The following DRC8 variants were observed in gnomAD, a reference collection of about 807,000 sequenced individuals.
DRC8 encodes dynein regulatory complex protein 8.
the DRC8 span, among the ~76,000 whole-genome samples, chr1:245,075,123 T>C: frequency 6.6e-6 from 1 of 152,216 alleles, no homozygotes; most frequent in Non-Finnish European, 1.5e-5. Flanking sequence ...GTGTGTTTTA[T>C]TGTGCCTATT....
At chr1:245,041,256 G>C in the DRC8 span, among the ~76,000 whole-genome samples, 1 of 152,166 alleles carries the variant, frequency 6.6e-6, no homozygotes, top group African/African-American at 2.4e-5. Context: ...CTAGAGAGTG[G>C]TGTAAGATCA....
the DRC8 span, among the ~76,000 whole-genome samples, chr1:244,973,742 A>C: frequency 6.6e-6 from 1 of 152,188 alleles, no homozygotes; most frequent in Non-Finnish European, 1.5e-5. Flanking sequence ...TAATATTGAG[A>C]TTTCTAAAAG....
chr1:245,117,983 T>C, the DRC8 span, among the ~76,000 whole-genome samples: 1 of 151,778 alleles, frequency 6.6e-6, no homozygotes, highest in Non-Finnish European at 1.5e-5. Context: ...AATAAATAAA[T>C]ACGCTTAAAA....
the DRC8 span, among the ~76,000 whole-genome samples, chr1:245,037,553 A>C: frequency 2.0e-5 from 3 of 152,188 alleles, no homozygotes; most frequent in African/African-American, 4.8e-5. Context: ...ATTTTCATTA[A>C]TGTCAGGAAT....
the DRC8 span, among the ~76,000 whole-genome samples, chr1:245,042,251 G>C: frequency 6.6e-6 from 1 of 152,298 alleles, no homozygotes; most frequent in Non-Finnish European, 1.5e-5. Flanking sequence ...ATTTTGTAGA[G>C]CTTTTGTTTT....
the DRC8 span, among the ~76,000 whole-genome samples, chr1:245,002,843 C>T: frequency 6.6e-6 from 1 of 151,176 alleles, no homozygotes; most frequent in African/African-American, 2.4e-5. Flanking sequence ...ACTTAAAAAG[C>T]ACACCTAAGA....
At chr1:245,118,736 A>G in the DRC8 span, among the ~76,000 whole-genome samples, 1 of 151,504 alleles carries the variant, frequency 6.6e-6, no homozygotes, top group African/African-American at 2.4e-5. Context: ...AGGTTGTGGT[A>G]AGCCAAGATC....
chr1:245,104,384 A>T, the DRC8 span, among the ~76,000 whole-genome samples: 1 of 152,034 alleles, frequency 6.6e-6, no homozygotes, highest in Non-Finnish European at 1.5e-5. Context: ...CATGCCTGTA[A>T]TCCCAGCTAC....
the DRC8 span, among the ~76,000 whole-genome samples, chr1:245,037,828 C>T: frequency 1.1e-4 from 16 of 152,018 alleles, 1 homozygote; most frequent in South Asian, 2.1e-3. Flanking sequence ...AAATCAAGAG[C>T]GTTCACCTAT....
the DRC8 span, chr1:245,091,606 C>T: frequency 6.6e-6 from 1 of 152,240 alleles, no homozygotes; most frequent in Non-Finnish European, 1.5e-5. Flanking sequence ...AACTTCACAT[C>T]TTGTCTCAAG....
the DRC8 span, among the ~76,000 whole-genome samples, chr1:245,006,726 A>G: frequency 3.3e-5 from 5 of 152,256 alleles, 1 homozygote; most frequent in South Asian, 1.0e-3. Context: ...TTGAGCTCAG[A>G]AGTTTGAGAC....
the DRC8 span, among the ~76,000 whole-genome samples, chr1:245,058,851 T>G: frequency 6.6e-6 from 1 of 152,216 alleles, no homozygotes; most frequent in South Asian, 2.1e-4. Flanking sequence ...TCCCCCTTCC[T>G]GGTTCTTAGT....
chr1:244,969,752 G>A, the DRC8 span: 1 of 209,478 alleles, frequency 4.8e-6, no homozygotes, highest in South Asian at 1.3e-4. Context: ...TTCCGTTTTA[G>A]CTTCGGTTGT....
At chr1:244,995,361 CAA>C in the DRC8 span, among the ~76,000 whole-genome samples, 1 of 139,028 alleles carries the variant, frequency 7.2e-6, no homozygotes, top group Non-Finnish European at 1.6e-5. Context: ...GACTCCATCT[CAA>C]AAAAAAAAAA....
the DRC8 span, among the ~76,000 whole-genome samples, chr1:245,099,991 T>C: frequency 1.3e-5 from 2 of 152,240 alleles, no homozygotes; most frequent in Non-Finnish European, 2.9e-5. Flanking sequence ...AGGCATTATT[T>C]TATTTTATTC....
chr1:245,099,805 C>T, the DRC8 span, among the ~76,000 whole-genome samples: 1 of 132,212 alleles, frequency 7.6e-6, no homozygotes, highest in African/African-American at 2.9e-5. Flanking sequence ...AGAGAGGAAT[C>T]TCCCATTTTT....
At chr1:245,116,760 TGTA>T in the DRC8 span, among the ~76,000 whole-genome samples, 4 of 152,236 alleles carry the variant, frequency 2.6e-5, no homozygotes, top group Non-Finnish European at 4.4e-5. Flanking sequence ...AAGCTGGTCT[TGTA>T]GAAATATTTT....
chr1:245,099,825 T>TAC, the DRC8 span, among the ~76,000 whole-genome samples: 3 of 482 alleles, frequency 6.2e-3, no homozygotes, highest in Admixed American at 0.083. Context: ...TAAGCTACAA[T>TAC]ACACGTTTTT....
At chr1:244,994,308 TTTC>T in the DRC8 span, among the ~76,000 whole-genome samples, 1 of 152,218 alleles carries the variant, frequency 6.6e-6, no homozygotes, top group Non-Finnish European at 1.5e-5. Flanking sequence ...TTTTAAAATT[TTTC>T]ATAGGTCTCC....
Sources: allele counts gnomAD v4.1 joint callset (sites outside exome capture counted in the v4.1 genomes callset), GRCh38; gene constraint gnomAD v4.1.1; transcripts MANE v1.5; gene names NCBI Gene and HGNC (gene_info 2026-07-23, HGNC 2026-07-21).